Variants in OPCML observed in about 807,000 individuals in gnomAD.
OPCML encodes opioid binding protein/cell adhesion molecule like, also known as opioid-binding protein/cell adhesion molecule.
OPCML carries 13 observed loss-of-function variants against 37.8 expected under a neutral mutation model. That is an observed-to-expected ratio of 0.34 (90% CI 0.22 to 0.55). OPCML has a LOEUF of 0.55. Ranked by LOEUF, OPCML falls within the 20% of genes least tolerant of loss-of-function variation. The pLI, the probability that OPCML is intolerant of heterozygous loss-of-function variation, is 0.91. For synonymous variants in OPCML, 176 were observed against 168.8 expected (o/e 1.04, Z -0.33); for missense variants, 341 against 435.6 (o/e 0.78, Z 1.93).
chr11:133,153,302 G>A (rs1363034242), intron 1 of OPCML, among the ~76,000 whole-genome samples: 1 of 152,204 alleles, frequency 6.6e-6, no homozygotes, highest in East Asian at 1.9e-4. Flanking sequence ...CTTATGGCTG[G>A]ATGAAACCAG....
chr11:132,829,565 A>C (rs1305962158), intron 2 of OPCML, among the ~76,000 whole-genome samples: 1 of 152,152 alleles, frequency 6.6e-6, no homozygotes, highest in African/African-American at 2.4e-5. Context: ...TCCTGAGGAA[A>C]AGCAAAATGG....
intron 3 of OPCML, among the ~76,000 whole-genome samples, chr11:132,578,953 C>T (rs1350138175): frequency 6.6e-6 from 1 of 152,030 alleles, no homozygotes; most frequent in Non-Finnish European, 1.5e-5. Context: ...GCCTCCCACA[C>T]CTGCCCCTTT....
Position 132,833,191 on chromosome 11 carries a change from A to G in OPCML, c.146+109735T>C, listed in dbSNP as rs560521513. The stretch of plus-strand genomic sequence containing the variant: ...TTTTTGTAATAACACGGCTTAAAAT[A>G]CAAATTTGTACATCACAGCTGTACA... On this transcript the variant is annotated intron_variant, in intron 2 of 7. Coordinates refer to ENST00000524381, the MANE Select transcript of OPCML (RefSeq NM_001012393.5). Among the ~76,000 whole-genome samples, 150 of 152,370 alleles carry G rather than the reference A, an allele frequency of 9.8e-4. 2 individuals are homozygous for G. In the Middle Eastern group the frequency reaches 0.027, roughly 28 times the overall value.
chr11:132,657,076 C>CT lies in OPCML; in HGVS notation c.379+10dup. The CT allele has an allele frequency of 1.2e-6, 2 of 1,612,462 alleles. No individual in the cohort carries two copies. The highest frequency in any genetic ancestry group is 1.7e-6 in the Non-Finnish European group (2 of 1,178,784). On this transcript the variant is annotated intron_variant, in intron 3 of 7. Coordinates refer to ENST00000524381, the MANE Select transcript of OPCML (RefSeq NM_001012393.5). ...ACGGGAATGGCAACCCCAGATCCAGCTGGGACTTACCTTGCACTATTAGGT... is the reference window on the plus strand; with the variant it reads ...ACGGGAATGGCAACCCCAGATCCAGCTTGGGACTTACCTTGCACTATTAGGT...
At chr11:132,516,967 C>T (rs2096281396) in intron 4 of OPCML, among the ~76,000 whole-genome samples, 1 of 152,090 alleles carries the variant, frequency 6.6e-6, no homozygotes. Context: ...ATGGTGGAGA[C>T]AGTGGGCTTG....
intron 2 of OPCML, among the ~76,000 whole-genome samples, chr11:132,690,418 T>G (rs1346029911): frequency 6.6e-6 from 1 of 152,212 alleles, no homozygotes; most frequent in East Asian, 1.9e-4. Flanking sequence ...GAGCACACTT[T>G]GAAGACCACA....
At chr11:133,422,971 G>C (rs1392103523) in intron 1 of OPCML, 1 of 985,252 alleles carries the variant, frequency 1.0e-6, no homozygotes, top group Non-Finnish European at 1.2e-6. Flanking sequence ...GTCATATAAT[G>C]AGACAGTGTG....
intron 1 of OPCML, among the ~76,000 whole-genome samples, chr11:133,068,698 T>C (rs991591959): frequency 2.0e-5 from 3 of 152,230 alleles, no homozygotes; most frequent in South Asian, 2.1e-4. Flanking sequence ...GCTGGAGATA[T>C]TTTTCAGCAG....
At chr11:132,453,632 C>G (rs556972958) in intron 4 of OPCML, among the ~76,000 whole-genome samples, 3 of 152,202 alleles carry the variant, frequency 2.0e-5, no homozygotes, top group African/African-American at 4.8e-5. Flanking sequence ...AAGAAATAAC[C>G]CAAAAAATGC....
At chr11:132,619,799 C>T (rs933767408) in intron 3 of OPCML, among the ~76,000 whole-genome samples, 4 of 139,560 alleles carry the variant, frequency 2.9e-5, no homozygotes, top group Non-Finnish European at 6.0e-5. Flanking sequence ...TTGCAGCGAG[C>T]GGAGATCTCG....
At chr11:132,702,802 A>T (rs987481428) in intron 2 of OPCML, among the ~76,000 whole-genome samples, 1 of 150,314 alleles carries the variant, frequency 6.7e-6, no homozygotes, top group African/African-American at 2.5e-5. Flanking sequence ...GATCTTGCTG[A>T]TTATTTCTTC....
At chr11:132,528,865 T>G (rs992918680) in intron 4 of OPCML, among the ~76,000 whole-genome samples, 196 bp downstream of exon 4, 1 of 152,230 alleles carries the variant, frequency 6.6e-6, no homozygotes, top group South Asian at 2.1e-4. Flanking sequence ...TAAAAATGAC[T>G]GACACCATCA....
intron 1 of OPCML, chr11:133,423,340 T>C: frequency 1.6e-5 from 16 of 985,392 alleles, no homozygotes; most frequent in Non-Finnish European, 1.9e-5. Flanking sequence ...CATCTGTTGG[T>C]CATGTGAGCT....
chr11:132,865,355 G>A (rs983722031), intron 2 of OPCML, among the ~76,000 whole-genome samples: 2 of 151,924 alleles, frequency 1.3e-5, no homozygotes, highest in Admixed American at 6.6e-5. Context: ...TGTATTTTTC[G>A]ATTTTTGCTT....
chr11:132,481,832 C>G (rs1368806887), intron 4 of OPCML, among the ~76,000 whole-genome samples: 1 of 150,536 alleles, frequency 6.6e-6, no homozygotes, highest in African/African-American at 2.5e-5. Flanking sequence ...GGGTACATAA[C>G]GAAATGAAGG....
At chr11:133,524,614 C>T (rs867978658) in intron 1 of OPCML, among the ~76,000 whole-genome samples, 6 of 152,204 alleles carry the variant, frequency 3.9e-5, no homozygotes, top group East Asian at 1.9e-4. Context: ...GTTTACGGAA[C>T]GACTCACACT....
chr11:132,772,787 A>G (rs1213042046), intron 2 of OPCML: 2 of 152,202 alleles, frequency 1.3e-5, no homozygotes, highest in Non-Finnish European at 2.9e-5. Flanking sequence ...TACATCTCAA[A>G]TGGCCCCCGA....
At chr11:133,161,332 GC>G (rs945364091) in intron 1 of OPCML, among the ~76,000 whole-genome samples, 164 of 152,342 alleles carry the variant, frequency 1.1e-3, no homozygotes, top group African/African-American at 3.9e-3. Context: ...GAGGGAGAGA[GC>G]TTTTCAAAGT....
chr11:132,821,035 G>A (rs1029835669), intron 2 of OPCML, among the ~76,000 whole-genome samples: 3 of 152,196 alleles, frequency 2.0e-5, no homozygotes, highest in Admixed American at 2.0e-4. Context: ...GAGTCCTTGG[G>A]TGATGGAACC....
Sources: gnomAD v4.1 joint callset for allele counts (sites outside exome capture counted in the v4.1 genomes callset) on GRCh38, gnomAD v4.1.1 for gene constraint, MANE v1.5 for transcripts, NCBI Gene and HGNC (gene_info 2026-07-23, HGNC 2026-07-21) for gene names.